The following SHC1 variants were observed in gnomAD, a reference collection of about 807,000 sequenced individuals.
The protein encoded by SHC1 is SHC adaptor protein 1, also known as SHC-transforming protein 1.
A neutral mutation model predicts 55.9 loss-of-function variants in SHC1; 30 were observed. That is an observed-to-expected ratio of 0.54 (90% CI 0.40 to 0.73). The LOEUF (loss-of-function observed/expected upper bound fraction) is 0.73. Ranked by LOEUF, SHC1 falls within the 30% of genes least tolerant of loss-of-function variation. The pLI, the probability that SHC1 is intolerant of heterozygous loss-of-function variation, is 0.00. For synonymous variants in SHC1, 309 were observed against 306.1 expected (o/e 1.01, Z -0.10); for missense variants, 675 against 777.1 (o/e 0.87, Z 1.56).
At chr1:154,973,741 A>G (rs2102209620), upstream of SHC1, among the ~76,000 whole-genome samples, 1 of 152,236 alleles carries the variant, frequency 6.6e-6, no homozygotes, top group South Asian at 2.1e-4. Context: ...AGGTCCCACA[A>G]AGATAAAGCT....
Position 154,963,713 on chromosome 1 carries a change from C to A in SHC1, c.*90G>T. 1 of 1,447,412 alleles carries A rather than the reference C, an allele frequency of 6.9e-7. No individual in the cohort carries two copies. Among genetic ancestry groups the A allele is most frequent in the Non-Finnish European group, 9.5e-7 (1 of 1,049,166 alleles). The allele number at this position is 1,447,412 out of a possible 1,614,324, so 89.7% of individuals were successfully genotyped here. A position where few individuals can be genotyped will look rare whatever the true frequency, so the allele number is the denominator to read the frequency against. On this transcript the variant is annotated 3_prime_UTR_variant, in exon 12 of 12. Transcript: ENST00000448116. ...CCCAGCTCTGACACAAGGCCAAGCC[C>A]ACAGAACACTCCCAAACGAGGTCCC... is the stretch of plus-strand genomic sequence containing the variant.
At chr1:154,965,401 A>G (rs756173600) in intron 11 of SHC1, 142 bp downstream of exon 11, 31 of 1,610,030 alleles carry the variant, frequency 1.9e-5, no homozygotes, top group Non-Finnish European at 2.5e-5. Context: ...AAGATGCCAG[A>G]CACTTTAAAG....
At position 154,968,009 on chromosome 1, in the gene SHC1, T is replaced by C. The variant is rs762018600; in HGVS notation, c.827A>G (p.Tyr276Cys). ...CTGATTCACAGGGTCTTTGGCAACA[T>C]AGGCGACATACTCGGCTGTGTCCTG... ...GDPDTAEYVA[Y>C]VAKDPVNQRA... Residue 276 changes from tyrosine (Y) to cysteine (C), a missense_variant, in exon 6 of 12, where the codon TAT becomes TGT. This residue lies in a region of SHC1 where 159 missense variants were observed against 246.9 expected (regional missense o/e 0.64). Coordinates refer to ENST00000448116, the MANE Select transcript of SHC1 (RefSeq NM_001130040.2). The C allele has an allele frequency of 1.2e-6, 2 of 1,614,172 alleles. No individual in the cohort carries two copies. Among genetic ancestry groups the C allele is most frequent in the Non-Finnish European group, 1.7e-6 (2 of 1,180,006 alleles).
chr1:154,964,372 C>T (rs1248955319), intron 11 of SHC1: 1 of 414,840 alleles, frequency 2.4e-6, no homozygotes, highest in Non-Finnish European at 4.9e-6. Flanking sequence ...CCCATCTCTA[C>T]CAAAAAAAAA....
Position 154,965,702 on chromosome 1 carries a change from C to G in SHC1, c.1467G>C (p.Trp489Cys). The G allele has an allele frequency of 6.2e-7, 1 of 1,614,160 alleles. No individual in the cohort carries two copies. Among genetic ancestry groups the G allele is most frequent in the East Asian group, 2.2e-5 (1 of 44,884 alleles). Residue 489 changes from tryptophan to cysteine, a missense_variant, in exon 11 of 12, where the codon TGG becomes TGC. Physicochemically the swap from Trp to Cys is radical, Grantham distance 215. Transcript: ENST00000448116. ...SMAEQLRGEP[W>C]FHGKLSRREA... Reference sequence around the variant, plus strand: ...CCCGCCGGCTCAGCTTCCCATGGAACCAGGGCTCCCCTCGGAGCTGCTCAG... The same window carrying G: ...CCCGCCGGCTCAGCTTCCCATGGAAGCAGGGCTCCCCTCGGAGCTGCTCAG...
chr1:154,966,663 C>T (rs550134843), intron 7 of SHC1, 146 bp from the exon 8 acceptor site: 11 of 566,642 alleles, frequency 1.9e-5, no homozygotes, highest in African/African-American at 1.5e-4. Flanking sequence ...TCATTTCATT[C>T]TCCTGGCAAC....
At chr1:154,972,074 C>G (rs1244585706), upstream of SHC1, among the ~76,000 whole-genome samples, 1 of 151,944 alleles carries the variant, frequency 6.6e-6, no homozygotes, top group Non-Finnish European at 1.5e-5. Flanking sequence ...ATGGTGAAAC[C>G]CTGTCTCTAC....
Position 154,966,164 on chromosome 1 carries a change from G to C in SHC1, c.1250C>G (p.Pro417Arg). The change falls in exon 9 of 12, where the codon CCA (proline) becomes CGA (arginine). Residue 417 changes from proline (P) to arginine (R), a missense_variant and splice_region_variant. Coordinates refer to ENST00000448116, the MANE Select transcript of SHC1 (RefSeq NM_001130040.2). ...RKQMPPPPPCPAGRELFDDPS... is the reference protein window; with the variant it reads ...RKQMPPPPPCRAGRELFDDPS... ...GCCTATCTCGGCTCCCTTCATACCT[G>C]GACAGGGTGGTGGAGGTGGCATCTG... The C allele has an allele frequency of 6.2e-7, 1 of 1,614,108 alleles. No homozygotes were observed. Among genetic ancestry groups the C allele is most frequent in the Non-Finnish European group, 8.5e-7 (1 of 1,179,982 alleles).
intron 11 of SHC1, 44 bp from the exon 12 acceptor site, chr1:154,963,975 A>G: frequency 6.2e-7 from 1 of 1,609,730 alleles, no homozygotes; most frequent in Non-Finnish European, 8.5e-7. Context: ...GTGAAGAGTC[A>G]AATAAGACCT....
Position 154,963,877 on chromosome 1 carries a change from T to C in SHC1, c.1681A>G (p.Met561Val). Residue 561 changes from methionine to valine, a missense_variant, in exon 12 of 12, where the codon ATG (methionine) becomes GTG (valine). Transcript: ENST00000448116. ...GAGATGATGGGCAAGTGATTGTCCA[T>C]GTGGTAGCTGATAAGGTGACTGACA... ...ESVSHLISYH[M>V]DNHLPIISAG... is the part of the protein sequence containing the mutation. 1.2e-6 allele frequency: 2 copies of C among 1,614,142 alleles called. No individual in the cohort carries two copies. The highest frequency in any genetic ancestry group is 1.7e-6 in the Non-Finnish European group (2 of 1,179,994).
chr1:154,969,639 G>C (rs578226318), intron 1 of SHC1, among the ~76,000 whole-genome samples, 191 bp from the exon 2 acceptor site: 3 of 152,316 alleles, frequency 2.0e-5, no homozygotes, highest in African/African-American at 7.2e-5. Context: ...GAAAAGGCAG[G>C]CTAGAAGGAC....
intron 7 of SHC1, 80 bp downstream of exon 7, chr1:154,967,591 T>C (rs754528219): frequency 1.3e-5 from 19 of 1,491,740 alleles, no homozygotes; most frequent in Non-Finnish European, 1.7e-5. Context: ...CCTGAACCTC[T>C]CAACTCAAGT....
intron 9 of SHC1, 24 bp from the exon 10 acceptor site, chr1:154,966,104 T>C: frequency 6.2e-7 from 1 of 1,614,032 alleles, no homozygotes; most frequent in South Asian, 1.1e-5. Context: ...GGCTCTACAG[T>C]GATCCCAGCC....
chr1:154,972,216 G>A (rs1656821691), upstream of SHC1, among the ~76,000 whole-genome samples: 1 of 151,178 alleles, frequency 6.6e-6, no homozygotes, highest in African/African-American at 2.4e-5. Context: ...TTGCACTCCA[G>A]CCTAGGTGAC....
At position 154,963,620 on chromosome 1, in the gene SHC1, T is replaced by A; in HGVS notation, c.*183A>T. ...GATTAATGTTTGGGGAGAGGCAGGA[T>A]TCTCACCCAGGCTTTTGACTCAAAC... On this transcript the variant is annotated 3_prime_UTR_variant, in exon 12 of 12. Transcript: ENST00000448116. The A allele has an allele frequency of 1.7e-6, 1 of 599,444 alleles. No individual in the cohort carries two copies. The highest frequency in any genetic ancestry group is 2.8e-5 in the East Asian group (1 of 35,224). 37.1% of individuals were successfully genotyped at this position (599,444 alleles called of 1,614,324 possible). A position where few individuals can be genotyped will look rare whatever the true frequency, so the allele number is the denominator to read the frequency against.
chr1:154,970,730 A>G lies in SHC1; in HGVS notation c.-204T>C, dbSNP rs1656658887. The G allele has an allele frequency of 6.1e-6, 3 of 492,236 alleles. No individual in the cohort carries two copies. The highest frequency in any genetic ancestry group is 7.2e-6 in the Non-Finnish European group (2 of 279,626). The allele number at this position is 492,236 out of a possible 1,614,324, so 30.5% of individuals were successfully genotyped here. A position where few individuals can be genotyped will look rare whatever the true frequency, so the allele number is the denominator to read the frequency against. On this transcript the variant is annotated 5_prime_UTR_variant, in exon 1 of 12. Transcript: ENST00000448116. The surrounding 1 kb of genome is among the most constrained non-coding windows in gnomAD (Gnocchi z 5.5). ...CAGTTTCAGGCCCCATCCCCGCCCA[A>G]CGTGGAGCCTCTTCTCTGGCTGAGA... is the stretch of plus-strand genomic sequence containing the variant.
chr1:154,966,346 C>T lies in SHC1; in HGVS notation c.1155G>A (p.Gln385=). ...GAARPTAPNA[Q]TPSHLGATLP... ...ATGTAGCTCCCAAGTGGCTGGGGGT[C>T]TGGGCATTGGGTGCAGTGGGTCGAG... is the stretch of plus-strand genomic sequence containing the variant. The change falls in exon 8 of 12, where the codon CAG becomes CAA. Residue 385 remains glutamine, a synonymous_variant. Transcript: ENST00000448116. 6.2e-7 allele frequency: 1 copy of T among 1,614,100 alleles called. No homozygotes were observed. The highest frequency in any genetic ancestry group is 8.5e-7 in the Non-Finnish European group (1 of 1,179,940).
chr1:154,965,471 G>A, intron 11 of SHC1, 72 bp downstream of exon 11: 3 of 1,600,162 alleles, frequency 1.9e-6, no homozygotes, highest in Non-Finnish European at 2.6e-6. Flanking sequence ...ATGAGGGAAG[G>A]AAGAGGGATA....
chr1:154,969,292 A>G (rs1297102699), intron 2 of SHC1, 86 bp downstream of exon 2: 5 of 868,296 alleles, frequency 5.8e-6, no homozygotes, highest in Non-Finnish European at 9.6e-6. Context: ...CCCCAGCAGC[A>G]GCACCCAAGT....
Sources: allele counts gnomAD v4.1 joint callset (sites outside exome capture counted in the v4.1 genomes callset), GRCh38; gene constraint gnomAD v4.1.1; regional missense constraint gnomAD v4.1.1; non-coding constraint Gnocchi (gnomAD v3.1); transcripts MANE v1.5; gene names NCBI Gene and HGNC (gene_info 2026-07-23, HGNC 2026-07-21).